Variants in RIGI observed in about 807,000 individuals in gnomAD.
RIGI encodes antiviral innate immune response receptor RIG-I.
At chr9:32,525,436 C>T in the RIGI span, among the ~76,000 whole-genome samples, 1 of 152,186 alleles carries the variant, frequency 6.6e-6, no homozygotes, top group African/African-American at 2.4e-5. Flanking sequence ...AGCCTCTGCT[C>T]ATCTCCAGCA....
the RIGI span, among the ~76,000 whole-genome samples, chr9:32,489,146 A>T: frequency 2.6e-3 from 389 of 152,298 alleles, 3 homozygotes; most frequent in African/African-American, 9.1e-3. Context: ...TAAAGAAAAT[A>T]CATTAAATAC....
the RIGI span, among the ~76,000 whole-genome samples, chr9:32,475,133 G>A: frequency 6.6e-6 from 1 of 151,888 alleles, no homozygotes; most frequent in African/African-American, 2.4e-5. Flanking sequence ...TGTATTTTTA[G>A]TAGAGACAGG....
the RIGI span, chr9:32,472,975 C>T: frequency 4.4e-6 from 7 of 1,605,096 alleles, no homozygotes; most frequent in Non-Finnish European, 6.0e-6. Flanking sequence ...ATATAAATAC[C>T]TGTGTTCTGA....
the RIGI span, among the ~76,000 whole-genome samples, chr9:32,482,527 A>G: frequency 3.3e-5 from 5 of 152,134 alleles, no homozygotes; most frequent in African/African-American, 1.2e-4. Flanking sequence ...AGAAGTAAAA[A>G]TAACAGGTCT....
At chr9:32,503,582 G>A in the RIGI span, among the ~76,000 whole-genome samples, 2 of 152,266 alleles carry the variant, frequency 1.3e-5, no homozygotes, top group African/African-American at 4.8e-5. Context: ...ATGTGGGCCT[G>A]TCTTCCACCT....
chr9:32,523,662 C>T, the RIGI span, among the ~76,000 whole-genome samples: 8 of 152,074 alleles, frequency 5.3e-5, no homozygotes, highest in African/African-American at 1.7e-4. Context: ...AACTGGTATC[C>T]TTGCTTCCAG....
the RIGI span, among the ~76,000 whole-genome samples, chr9:32,481,906 GC>G: frequency 2.0e-5 from 3 of 152,018 alleles, no homozygotes; most frequent in South Asian, 6.2e-4. Context: ...CTTACTCTCT[GC>G]AAACAGGATA....
chr9:32,481,816 C>G, the RIGI span, among the ~76,000 whole-genome samples: 8 of 152,168 alleles, frequency 5.3e-5, no homozygotes, highest in Non-Finnish European at 2.9e-5. Context: ...AACTCCTGAC[C>G]TCAGGTGATC....
the RIGI span, among the ~76,000 whole-genome samples, chr9:32,486,174 G>A: frequency 1.4e-4 from 21 of 152,162 alleles, no homozygotes; most frequent in South Asian, 2.5e-3. Context: ...AAGTGTAGCC[G>A]GGTGTGGTGG....
chr9:32,484,592 C>G, the RIGI span, among the ~76,000 whole-genome samples: 4 of 152,214 alleles, frequency 2.6e-5, no homozygotes, highest in Admixed American at 2.6e-4. Flanking sequence ...ATAACACTCA[C>G]AGTTGGAAGC....
At chr9:32,502,624 C>A in the RIGI span, among the ~76,000 whole-genome samples, 3 of 152,210 alleles carry the variant, frequency 2.0e-5, no homozygotes, top group Non-Finnish European at 4.4e-5. Flanking sequence ...TCTCTCTGTT[C>A]TTGGAGGCCA....
At chr9:32,522,442 T>C in the RIGI span, among the ~76,000 whole-genome samples, 115 of 152,308 alleles carry the variant, frequency 7.6e-4, 1 homozygote, top group African/African-American at 2.6e-3. Flanking sequence ...GGGGACACAG[T>C]TGGAGGAACA....
chr9:32,459,455 A>G, the RIGI span: 1 of 1,613,502 alleles, frequency 6.2e-7, no homozygotes, highest in African/African-American at 1.3e-5. Context: ...TATCAGGTAC[A>G]GGTTTTGGTT....
chr9:32,470,063 T>C, the RIGI span, among the ~76,000 whole-genome samples: 3 of 152,246 alleles, frequency 2.0e-5, no homozygotes, highest in Admixed American at 2.0e-4. Context: ...TGCTTAAAAA[T>C]CAATCTCTAA....
chr9:32,485,740 C>T, the RIGI span, among the ~76,000 whole-genome samples: 1 of 151,954 alleles, frequency 6.6e-6, no homozygotes, highest in South Asian at 2.1e-4. Context: ...GGGGCTTCAC[C>T]ATATTGGCCA....
At chr9:32,470,843 T>C in the RIGI span, among the ~76,000 whole-genome samples, 33 of 152,356 alleles carry the variant, frequency 2.2e-4, no homozygotes, top group Non-Finnish European at 4.3e-4. Context: ...TCAGCTAAAA[T>C]TGTCTTAATT....
chr9:32,494,856 C>T, the RIGI span, among the ~76,000 whole-genome samples: 18 of 147,992 alleles, frequency 1.2e-4, no homozygotes, highest in Admixed American at 2.7e-4. Context: ...CCAGGATTTC[C>T]TTTTTTTTTT....
chr9:32,482,853 TA>T, the RIGI span, among the ~76,000 whole-genome samples: 303 of 141,700 alleles, frequency 2.1e-3, no homozygotes, highest in Middle Eastern at 3.6e-3. Flanking sequence ...GTGAGACTCT[TA>T]AAAAAAAAAA....
At chr9:32,497,711 C>A in the RIGI span, among the ~76,000 whole-genome samples, 1 of 152,182 alleles carries the variant, frequency 6.6e-6, no homozygotes, top group Admixed American at 6.5e-5. Flanking sequence ...TGCGCCACTG[C>A]ACTCCATCCA....
Sources: allele counts gnomAD v4.1 joint callset (sites outside exome capture counted in the v4.1 genomes callset), GRCh38; gene constraint gnomAD v4.1.1; transcripts MANE v1.5; gene names NCBI Gene and HGNC (gene_info 2026-07-23, HGNC 2026-07-21).